The following PKIB variants were observed in gnomAD, a reference collection of about 807,000 sequenced individuals.
PKIB encodes the protein cAMP-dependent protein kinase inhibitor beta, also known as PKI-beta.
A neutral mutation model predicts 4.5 loss-of-function variants in PKIB; 2 were observed. The ratio of observed to expected loss-of-function variants is 0.44; its 90% CI spans 0.18 to 1.39. The LOEUF is 1.39. Ranked by LOEUF, PKIB falls within the 40% of genes most tolerant of loss-of-function variation. The pLI is 0.27. For synonymous variants in PKIB, 38 were observed against 36.0 expected, an observed-to-expected ratio of 1.06 and a Z score of -0.20; for missense variants, 94 against 92.6, an observed-to-expected ratio of 1.02 and a Z score of -0.06.
upstream of PKIB, among the ~76,000 whole-genome samples, chr6:122,607,954 T>A (rs1774600440): frequency 6.6e-6 from 1 of 152,216 alleles, no homozygotes; most frequent in African/African-American, 2.4e-5. Flanking sequence ...CGGAAGTGTT[T>A]GTTATCAAAC....
chr6:122,688,674 A>G (rs1192919365), intron 3 of PKIB, among the ~76,000 whole-genome samples: 3 of 151,752 alleles, frequency 2.0e-5, no homozygotes, highest in African/African-American at 4.8e-5. Flanking sequence ...TCATGGTTCA[A>G]TCTTGATAGA....
intron 2 of PKIB, among the ~76,000 whole-genome samples, chr6:122,509,414 A>G (rs1776518989): frequency 6.6e-6 from 1 of 150,942 alleles, no homozygotes; most frequent in Admixed American, 6.6e-5. Context: ...TTTGTATATG[A>G]GCCTGTCCAA....
intron 2 of PKIB, among the ~76,000 whole-genome samples, chr6:122,496,106 C>A (rs1042161350): frequency 6.6e-6 from 1 of 152,140 alleles, no homozygotes; most frequent in Admixed American, 6.5e-5. Context: ...ACAGAAAGCA[C>A]CTCATGGTAA....
At chr6:122,703,941 TAGAGAGAGAG>T (rs71021419) in intron 3 of PKIB, among the ~76,000 whole-genome samples, 38 of 90,770 alleles carry the variant, frequency 4.2e-4, no homozygotes, top group African/African-American at 9.2e-4. Flanking sequence ...TATATATATA[TAGAGAGAGAG>T]AGAGAGAGAG....
intron 2 of PKIB, among the ~76,000 whole-genome samples, chr6:122,670,905 A>G (rs1374320791): frequency 6.6e-6 from 1 of 152,248 alleles, no homozygotes; most frequent in South Asian, 2.1e-4. Flanking sequence ...TCACATAGTC[A>G]GATGATGTTC....
At chr6:122,666,173 A>C (rs190184280) in intron 2 of PKIB, among the ~76,000 whole-genome samples, 21 of 152,312 alleles carry the variant, frequency 1.4e-4, no homozygotes, top group East Asian at 9.7e-4. Context: ...TTCCATGACC[A>C]AACCTTTATG....
intron 2 of PKIB, chr6:122,482,924 TGCTGTTAAG>T (rs1342600648): frequency 3.9e-5 from 6 of 152,178 alleles, no homozygotes; most frequent in Non-Finnish European, 7.3e-5. Flanking sequence ...AATAGGAGCT[TGCTGTTAAG>T]TTTCTTGGGT....
intron 3 of PKIB, among the ~76,000 whole-genome samples, chr6:122,588,643 G>A (rs530422740): frequency 3.2e-4 from 48 of 152,156 alleles, no homozygotes; most frequent in African/African-American, 1.0e-3. Flanking sequence ...TGCAGCCTTC[G>A]TGTATTTGTA....
intron 2 of PKIB, among the ~76,000 whole-genome samples, chr6:122,665,038 A>C (rs1268617538): frequency 6.6e-6 from 1 of 152,260 alleles, no homozygotes; most frequent in Non-Finnish European, 1.5e-5. Context: ...AGCCTAATAC[A>C]GTGAACTTAT....
intron 4 of PKIB, among the ~76,000 whole-genome samples, chr6:122,718,745 G>A (rs764154500): frequency 1.2e-4 from 18 of 152,070 alleles, no homozygotes; most frequent in Non-Finnish European, 2.4e-4. Flanking sequence ...ACCCATTCCC[G>A]GGAGCCCAAG....
chr6:122,558,680 CT>C (rs1772920539), intron 2 of PKIB, among the ~76,000 whole-genome samples: 1 of 151,956 alleles, frequency 6.6e-6, no homozygotes, highest in Non-Finnish European at 1.5e-5. Context: ...AATAAAACTC[CT>C]TCATACACAA....
chr6:122,578,176 T>C (rs957359071), intron 2 of PKIB, among the ~76,000 whole-genome samples: 1 of 152,002 alleles, frequency 6.6e-6, no homozygotes, highest in Non-Finnish European at 1.5e-5. Flanking sequence ...TAAATGTGAG[T>C]AAAATGAGGC....
At chr6:122,534,557 C>G (rs1449109585) in intron 2 of PKIB, among the ~76,000 whole-genome samples, 2 of 152,062 alleles carry the variant, frequency 1.3e-5, no homozygotes, top group Non-Finnish European at 2.9e-5. Flanking sequence ...AGCACGGAGG[C>G]TACTCAAGCC....
chr6:122,581,926 C>T (rs1773715291), intron 2 of PKIB: 1 of 152,000 alleles, frequency 6.6e-6, no homozygotes, highest in Non-Finnish European at 1.5e-5. Flanking sequence ...CAAGTGTGGT[C>T]TCAATGGAAG....
chr6:122,597,227 G>A (rs4554346), intron 3 of PKIB, among the ~76,000 whole-genome samples: 12,248 of 152,240 alleles, frequency 0.08, 652 homozygotes, highest in East Asian at 0.21. Context: ...ATGGCCCAGC[G>A]CGATATCTTG....
At chr6:122,693,539 T>C (rs1778435380) in intron 3 of PKIB, among the ~76,000 whole-genome samples, 1 of 152,220 alleles carries the variant, frequency 6.6e-6, no homozygotes, top group Non-Finnish European at 1.5e-5. Flanking sequence ...GAAAGGTTTT[T>C]CTTGGTTCAG....
chr6:122,556,755 T>G lies in PKIB; in HGVS notation c.-247-29166T>G, dbSNP rs534996108. Among the ~76,000 whole-genome samples the G allele has an allele frequency of 2.6e-5, 4 of 152,290 alleles. No individual in the cohort carries two copies. The South Asian group carries it at 8.3e-4, about 32-fold the overall frequency. The stretch of plus-strand genomic sequence containing the variant: ...AACTCTCCTCCTTTTGAAAACCAGC[T>G]TCAGGCTTGCTACTGGACAAGCCAC... On this transcript the variant is annotated intron_variant, in intron 2 of 6. Coordinates refer to the PKIB transcript ENST00000392491.
At chr6:122,532,590 C>G (rs1422815566) in intron 2 of PKIB, among the ~76,000 whole-genome samples, 1 of 152,174 alleles carries the variant, frequency 6.6e-6, no homozygotes, top group African/African-American at 2.4e-5. Context: ...TTTGACTATC[C>G]TATATATCCC....
At chr6:122,536,949 A>G (rs978653270) in intron 2 of PKIB, among the ~76,000 whole-genome samples, 2 of 149,510 alleles carry the variant, frequency 1.3e-5, no homozygotes, top group Non-Finnish European at 3.0e-5. Flanking sequence ...TTGGGATGCC[A>G]CATTGCCTGC....
Sources: gnomAD v4.1 joint callset for allele counts (sites outside exome capture counted in the v4.1 genomes callset) on GRCh38, gnomAD v4.1.1 for gene constraint, MANE v1.5 for transcripts, NCBI Gene and HGNC (gene_info 2026-07-23, HGNC 2026-07-21) for gene names.